Variants in CCDC7 observed in about 807,000 individuals in gnomAD.
CCDC7 encodes coiled-coil domain-containing protein 7.
CCDC7 carries 183 observed loss-of-function variants against 196.9 expected under a neutral mutation model. The observed-to-expected ratio is 0.93, with a 90% confidence interval of 0.82 to 1.05. CCDC7 has a LOEUF of 1.05. Ranked by LOEUF, CCDC7 falls within the 50% of genes least tolerant of loss-of-function variation. The probability of loss-of-function intolerance (pLI) is 0.00; values close to 1 mark genes in which losing one functional copy is unlikely to be tolerated. For missense variants in CCDC7, 1,540 were observed against 1,482.2 expected (o/e 1.04, Z -0.64); for synonymous variants, 525 against 484.6 (o/e 1.08, Z -1.10).
chr10:32,481,840 C>T (rs1193000946), intron 8 of CCDC7: 2 of 152,114 alleles, frequency 1.3e-5, no homozygotes, highest in African/African-American at 4.8e-5. Context: ...TATCTTCTTA[C>T]TCTCTCTTAG....
chr10:32,651,210 A>G (rs1160316036), intron 20 of CCDC7, among the ~76,000 whole-genome samples: 1 of 152,156 alleles, frequency 6.6e-6, no homozygotes, highest in Non-Finnish European at 1.5e-5. Context: ...AGAGGTTTGC[A>G]GTAAGATTGA....
intron 31 of CCDC7, among the ~76,000 whole-genome samples, chr10:32,816,360 C>T (rs529251079): frequency 5.3e-5 from 8 of 152,198 alleles, no homozygotes; most frequent in Non-Finnish European, 4.4e-5. Context: ...GGGTGGAGCC[C>T]ACCGCAGCTC....
At chr10:32,635,800 TC>T (rs1239763486) in intron 20 of CCDC7, among the ~76,000 whole-genome samples, 1 of 152,166 alleles carries the variant, frequency 6.6e-6, no homozygotes, top group East Asian at 1.9e-4. Context: ...TGCATGAAGC[TC>T]ATAGTTGTAT....
chr10:32,598,068 G>C (rs916488465), intron 18 of CCDC7, among the ~76,000 whole-genome samples: 6 of 152,214 alleles, frequency 3.9e-5, no homozygotes, highest in African/African-American at 1.2e-4. Flanking sequence ...AGAAGTTTCT[G>C]CTGCCTTTTG....
At chr10:32,445,771 A>G (rs2030778818), upstream of CCDC7, among the ~76,000 whole-genome samples, 1 of 152,192 alleles carries the variant, frequency 6.6e-6, no homozygotes, top group Non-Finnish European at 1.5e-5. Flanking sequence ...TTAGAGTGGT[A>G]ATGAACTCCA....
chr10:32,879,535 C>T (rs1305042648), downstream of CCDC7, among the ~76,000 whole-genome samples: 1 of 152,084 alleles, frequency 6.6e-6, no homozygotes, highest in East Asian at 1.9e-4. Context: ...AATCAACCAA[C>T]CAAACACACA....
At chr10:32,575,785 T>C (rs2058116434) in intron 16 of CCDC7, among the ~76,000 whole-genome samples, 1 of 152,216 alleles carries the variant, frequency 6.6e-6, no homozygotes, top group Non-Finnish European at 1.5e-5. Flanking sequence ...CACTGCTGTC[T>C]ATCCTTTGAT....
At chr10:32,742,285 A>G (rs1336313420) in intron 28 of CCDC7, among the ~76,000 whole-genome samples, 2 of 152,150 alleles carry the variant, frequency 1.3e-5, no homozygotes, top group African/African-American at 4.8e-5. Flanking sequence ...CCCCACTGTC[A>G]GCATCCTGCA....
rs145255525 is a variant in CCDC7, at chr10:32,491,958, T to C, written c.833T>C (p.Met278Thr). ...TCAATGACTAATCGATTTAATGCCATGTTGAAAGTATTTGAAAACCAGGCA... is the reference window on the plus strand; with the variant it reads ...TCAATGACTAATCGATTTAATGCCACGTTGAAAGTATTTGAAAACCAGGCA... The change falls in exon 9 of 42, where the codon ATG (methionine) becomes ACG (threonine). Residue 278 changes from methionine (M) to threonine (T), a missense_variant. Transcript: ENST00000639629. 508 of 1,580,082 alleles carry C rather than the reference T, an allele frequency of 3.2e-4. 2 individuals are homozygous for C. The highest frequency in any genetic ancestry group is 3.5e-4 in the Non-Finnish European group (409 of 1,166,830).
downstream of CCDC7, among the ~76,000 whole-genome samples, chr10:32,881,722 T>A (rs901423983): frequency 2.0e-5 from 3 of 152,102 alleles, no homozygotes; most frequent in African/African-American, 7.2e-5. Flanking sequence ...TGGTCAACAT[T>A]TCTTTACCCG....
chr10:32,610,103 CTTGT>C (rs1338038974), intron 18 of CCDC7, among the ~76,000 whole-genome samples: 6 of 150,834 alleles, frequency 4.0e-5, no homozygotes, highest in Admixed American at 4.0e-4. Context: ...ATGCAGATTT[CTTGT>C]TTGTTTGTTT....
intron 21 of CCDC7, among the ~76,000 whole-genome samples, chr10:32,677,617 A>G (rs368100363): frequency 9.9e-5 from 15 of 151,618 alleles, no homozygotes; most frequent in Admixed American, 3.9e-4. Flanking sequence ...CTTGTATGTG[A>G]TGTCATTTTT....
intron 20 of CCDC7, among the ~76,000 whole-genome samples, chr10:32,638,803 T>G (rs1465300569): frequency 1.3e-5 from 2 of 152,232 alleles, no homozygotes; most frequent in Non-Finnish European, 1.5e-5. Flanking sequence ...TCAGAAGGAA[T>G]GGTACCAGCT....
chr10:32,585,984 C>G (rs535299179), intron 18 of CCDC7, among the ~76,000 whole-genome samples: 11 of 152,308 alleles, frequency 7.2e-5, no homozygotes, highest in African/African-American at 2.4e-4. Context: ...AGTTTACACT[C>G]CCACCAACAG....
intron 24 of CCDC7, among the ~76,000 whole-genome samples, chr10:32,701,445 C>G (rs1031085655): frequency 6.6e-6 from 1 of 152,138 alleles, no homozygotes; most frequent in South Asian, 2.1e-4. Flanking sequence ...ATTTTTACAT[C>G]CATGTTCATC....
intron 5 of CCDC7, among the ~76,000 whole-genome samples, chr10:32,464,081 C>G (rs2133735614): frequency 6.6e-6 from 1 of 152,228 alleles, no homozygotes; most frequent in African/African-American, 2.4e-5. Context: ...TTCTTTTGCA[C>G]TCAGTCCTGT....
At chr10:32,751,563 G>A (rs2075660286) in intron 28 of CCDC7, among the ~76,000 whole-genome samples, 1 of 152,148 alleles carries the variant, frequency 6.6e-6, no homozygotes, top group Admixed American at 6.5e-5. Flanking sequence ...TATGTGATAT[G>A]AGATTGGTAG....
Position 32,828,416 on chromosome 10 carries a change from G to A in CCDC7, c.3268+3812G>A, listed in dbSNP as rs56136933. 1.5e-3 allele frequency among the ~76,000 whole-genome samples: 151 copies of A among 100,686 alleles called. 4 individuals carry two copies. In the Middle Eastern group the frequency reaches 0.015, roughly 10 times the overall value. 66.1% of individuals were successfully genotyped at this position (100,686 alleles called of 152,430 possible). ...AAAGAAGAAGAAGGAGAAGGAGAAG[G>A]AGAAGAAGAAGAAGGAAGGAAGGAG... is the stretch of plus-strand genomic sequence containing the variant. On this transcript the variant is annotated intron_variant, in intron 32 of 41. Transcript: ENST00000639629.
chr10:32,774,391 C>T (rs1459787559), intron 28 of CCDC7, among the ~76,000 whole-genome samples: 1 of 151,940 alleles, frequency 6.6e-6, no homozygotes, highest in Non-Finnish European at 1.5e-5. Flanking sequence ...TGTGAAGATT[C>T]TATAACCAGC....
Sources: allele counts gnomAD v4.1 joint callset (sites outside exome capture counted in the v4.1 genomes callset), GRCh38; gene constraint gnomAD v4.1.1; transcripts MANE v1.5; gene names NCBI Gene and HGNC (gene_info 2026-07-23, HGNC 2026-07-21).